WWOX: variants seen among roughly 807,000 people sequenced by gnomAD.
WWOX encodes WW domain-containing oxidoreductase.
In WWOX, 69 loss-of-function variants were observed where a neutral mutation model predicts 46.2. The ratio of observed to expected loss-of-function variants is 1.49; its 90% CI spans 1.23 to 1.82. WWOX has a LOEUF of 1.82. Ranked by LOEUF, WWOX falls within the 40% of genes most tolerant of loss-of-function variation. The pLI is 0.00. For synonymous variants in WWOX, 359 were observed against 202.6 expected (o/e 1.77, Z -6.56); for missense variants, 919 against 542.6 (o/e 1.69, Z -6.89).
At chr16:78,814,020 G>T (rs562409801) in intron 8 of WWOX, among the ~76,000 whole-genome samples, 4 of 152,116 alleles carry the variant, frequency 2.6e-5, no homozygotes, top group Non-Finnish European at 5.9e-5. Flanking sequence ...TTTCTTTTAG[G>T]AGTTTTCTTT....
Position 78,546,918 on chromosome 16 carries a change from G to C in WWOX, c.1056+114166G>C, listed in dbSNP as rs567291975. Among the ~76,000 whole-genome samples the C allele has an allele frequency of 2.4e-3, 365 of 152,074 alleles. 4 individuals carry two copies. In the Middle Eastern group the frequency reaches 0.044, roughly 18 times the overall value. ...GAGGCGGGTGGATCACTTGAGCCCA[G>C]GGGTTTCAGATCAGTCTGGGCAACA... On this transcript the variant is annotated intron_variant, in intron 8 of 8. Transcript: ENST00000566780.
At position 79,017,634 on chromosome 16, in the gene WWOX, C is replaced by T. The variant is rs139640841; in HGVS notation, c.1057-193974C>T. On this transcript the variant is annotated intron_variant, in intron 8 of 8. Coordinates refer to ENST00000566780, the MANE Select transcript of WWOX (RefSeq NM_016373.4). ...CAATTCATAAATTAATGTGCATGGC[C>T]GTGTTCTGATAAAAGTTTATTTATA... Among the ~76,000 whole-genome samples, 608 of 151,612 alleles carry T rather than the reference C, an allele frequency of 4.0e-3. 3 individuals carry two copies. The highest frequency in any genetic ancestry group is 0.016 in the South Asian group (75 of 4,786).
At chr16:78,231,306 T>G (rs1032230159) in intron 5 of WWOX, among the ~76,000 whole-genome samples, 1 of 152,250 alleles carries the variant, frequency 6.6e-6, no homozygotes, top group Non-Finnish European at 1.5e-5. Context: ...ATTTTCACAG[T>G]GTCCATAAAA....
intron 8 of WWOX, among the ~76,000 whole-genome samples, chr16:78,781,654 G>C (rs2050328766): frequency 6.6e-6 from 1 of 152,124 alleles, no homozygotes; most frequent in Non-Finnish European, 1.5e-5. Flanking sequence ...GGGCTTGGTG[G>C]CTCATGCCTC....
At chr16:78,542,305 A>G (rs907830216) in intron 8 of WWOX, among the ~76,000 whole-genome samples, 1 of 152,116 alleles carries the variant, frequency 6.6e-6, no homozygotes, top group African/African-American at 2.4e-5. Flanking sequence ...CTTTGACTCT[A>G]GATGACATGA....
At chr16:79,092,868 C>T (rs2048992223) in intron 8 of WWOX, among the ~76,000 whole-genome samples, 1 of 152,158 alleles carries the variant, frequency 6.6e-6, no homozygotes, top group African/African-American at 2.4e-5. Context: ...CCCCCAGCTC[C>T]ATAGGAGTGG....
At chr16:78,666,208 G>T (rs1051922105) in intron 8 of WWOX, among the ~76,000 whole-genome samples, 2 of 152,110 alleles carry the variant, frequency 1.3e-5, no homozygotes, top group African/African-American at 4.8e-5. Flanking sequence ...GATTGTTGGA[G>T]CCCGGGAGGT....
chr16:78,953,209 C>T (rs931421792), intron 8 of WWOX, among the ~76,000 whole-genome samples: 21 of 151,870 alleles, frequency 1.4e-4, no homozygotes, highest in African/African-American at 4.8e-4. Context: ...TAAGTGTTCC[C>T]CTTTGGACCT....
In WWOX at chr16:79,149,067, A is replaced by G. The variant is rs531652820; in HGVS notation, c.1057-62541A>G. ...TGTAGTGGCTAGAACTTCCTGTGCTATGTTGAACAAGAGTAGTGAGAACAT... is the reference window on the plus strand; with the variant it reads ...TGTAGTGGCTAGAACTTCCTGTGCTGTGTTGAACAAGAGTAGTGAGAACAT... On this transcript the variant is annotated intron_variant, in intron 8 of 8. Transcript: ENST00000566780. Among the ~76,000 whole-genome samples the G allele has an allele frequency of 7.2e-5, 11 of 152,230 alleles. No homozygotes were observed. The South Asian group carries it at 2.3e-3, about 32-fold the overall frequency.
chr16:79,094,083 A>AGCG (rs2049019232), intron 8 of WWOX, among the ~76,000 whole-genome samples: 1 of 152,050 alleles, frequency 6.6e-6, no homozygotes, highest in African/African-American at 2.4e-5. Context: ...CCCACCTAGC[A>AGCG]CTCATCCCAC....
At position 78,565,271 on chromosome 16, in the gene WWOX, T is replaced by G. The variant is rs142627240; in HGVS notation, c.1056+132519T>G. Among the ~76,000 whole-genome samples the G allele has an allele frequency of 1.5e-3, 231 of 152,350 alleles. 3 individuals are homozygous for G. Among genetic ancestry groups the G allele is most frequent in the African/African-American group, 5.4e-3 (223 of 41,590 alleles). On this transcript the variant is annotated intron_variant, in intron 8 of 8. Transcript: ENST00000566780. ...GGCTTTAAACAACACATGCTTATCATGTTGCAGTTCTGGGGAGTCACAAGT... is the reference window on the plus strand; with the variant it reads ...GGCTTTAAACAACACATGCTTATCAGGTTGCAGTTCTGGGGAGTCACAAGT...
chr16:79,128,181 C>G (rs571522738), intron 8 of WWOX, among the ~76,000 whole-genome samples: 2 of 152,094 alleles, frequency 1.3e-5, no homozygotes, highest in African/African-American at 4.8e-5. Flanking sequence ...GAAGATAAAA[C>G]GCCCTGCCAG....
intron 8 of WWOX, among the ~76,000 whole-genome samples, chr16:78,929,353 T>C (rs917172456): frequency 6.6e-6 from 1 of 152,164 alleles, no homozygotes; most frequent in African/African-American, 2.4e-5. Context: ...TTCTATATAG[T>C]GCATATTTTT....
chr16:78,976,435 A>G (rs899615699), intron 8 of WWOX, among the ~76,000 whole-genome samples: 4 of 152,166 alleles, frequency 2.6e-5, no homozygotes, highest in African/African-American at 9.7e-5. Flanking sequence ...TGGGCCTGTG[A>G]CTAACAGCCA....
chr16:79,209,628 A>G (rs2051646379), intron 8 of WWOX, among the ~76,000 whole-genome samples: 1 of 152,220 alleles, frequency 6.6e-6, no homozygotes, highest in African/African-American at 2.4e-5. Context: ...AAATGAAAAT[A>G]TATGACAGAT....
chr16:79,067,331 C>G (rs1424225161), intron 8 of WWOX, among the ~76,000 whole-genome samples: 2 of 152,174 alleles, frequency 1.3e-5, no homozygotes, highest in Non-Finnish European at 2.9e-5. Context: ...CTGTTCCTCC[C>G]TTGACATCAA....
chr16:78,873,127 T>G (rs971098786), intron 8 of WWOX: 1 of 152,198 alleles, frequency 6.6e-6, no homozygotes, highest in South Asian at 2.1e-4. Flanking sequence ...TAGTCCTTTT[T>G]CTCTTCCTCC....
At chr16:78,814,568 C>G (rs1176672524) in intron 8 of WWOX, among the ~76,000 whole-genome samples, 3 of 152,074 alleles carry the variant, frequency 2.0e-5, no homozygotes, top group South Asian at 2.1e-4. Context: ...ATAAAGGCAC[C>G]TGTGTACTTT....
intron 8 of WWOX, among the ~76,000 whole-genome samples, chr16:79,030,241 T>C (rs933559425): frequency 1.3e-5 from 2 of 152,240 alleles, no homozygotes; most frequent in Admixed American, 6.5e-5. Context: ...GGAAAACTTT[T>C]ATGATTCTAC....
Sources: gnomAD v4.1 joint callset for allele counts (sites outside exome capture counted in the v4.1 genomes callset) on GRCh38, gnomAD v4.1.1 for gene constraint, MANE v1.5 for transcripts, NCBI Gene and HGNC (gene_info 2026-07-23, HGNC 2026-07-21) for gene names.